Variants in CADM1 observed in about 807,000 individuals in gnomAD.
CADM1 encodes cell adhesion molecule 1.
In CADM1, 15 loss-of-function variants were observed where a neutral mutation model predicts 53.1. The ratio of observed to expected loss-of-function variants is 0.28; its 90% CI spans 0.19 to 0.44. CADM1 has a LOEUF of 0.44. Among genes scored for constraint, CADM1 ranks in the 20% least tolerant of loss-of-function variants. The pLI, the probability that CADM1 is intolerant of heterozygous loss-of-function variation, is 1.00. For synonymous variants in CADM1, 281 were observed against 243.0 expected (o/e 1.16, Z -1.45); for missense variants, 434 against 611.3 (o/e 0.71, Z 3.06).
intron 1 of CADM1, among the ~76,000 whole-genome samples, chr11:115,438,875 C>G (rs568081797): frequency 6.6e-6 from 1 of 152,274 alleles, no homozygotes; most frequent in African/African-American, 2.4e-5. Context: ...AACCGAGAAG[C>G]TATCTGATGG....
intron 1 of CADM1, among the ~76,000 whole-genome samples, chr11:115,452,444 A>G (rs1948595102): frequency 6.6e-6 from 1 of 152,240 alleles, no homozygotes; most frequent in Non-Finnish European, 1.5e-5. Flanking sequence ...TTTTAATGAA[A>G]TGAGACTTAA....
chr11:115,503,720 G>A (rs757356751), intron 1 of CADM1, among the ~76,000 whole-genome samples: 1 of 152,186 alleles, frequency 6.6e-6, no homozygotes, highest in African/African-American at 2.4e-5. Flanking sequence ...CGCGTTGGGG[G>A]AAGGGGCAGG....
intron 3 of CADM1, among the ~76,000 whole-genome samples, chr11:115,237,725 AG>A (rs1216003743): frequency 1.3e-5 from 2 of 152,180 alleles, no homozygotes; most frequent in African/African-American, 2.4e-5. Flanking sequence ...GTTATGCAGT[AG>A]AGTAAGCTTG....
At chr11:115,352,112 G>T (rs752316363) in intron 1 of CADM1, among the ~76,000 whole-genome samples, 2 of 152,120 alleles carry the variant, frequency 1.3e-5, no homozygotes, top group Non-Finnish European at 2.9e-5. Context: ...TCTAAAAAAA[G>T]AATCCAATAA....
At chr11:115,238,090 A>G (rs1942073443) in intron 3 of CADM1, among the ~76,000 whole-genome samples, 1 of 152,232 alleles carries the variant, frequency 6.6e-6, no homozygotes, top group South Asian at 2.1e-4. Flanking sequence ...GATGTAACTC[A>G]GAAGGAAAAA....
chr11:115,346,233 C>A (rs1236282251), intron 1 of CADM1, among the ~76,000 whole-genome samples: 1 of 152,196 alleles, frequency 6.6e-6, no homozygotes, highest in East Asian at 1.9e-4. Flanking sequence ...CCACCCACTG[C>A]ATGGCTTGGC....
At chr11:115,426,367 TCA>T (rs1222639414) in intron 1 of CADM1, among the ~76,000 whole-genome samples, 5 of 152,152 alleles carry the variant, frequency 3.3e-5, no homozygotes, top group Non-Finnish European at 7.3e-5. Context: ...ACTTTTGATT[TCA>T]GTCGCTTCCA....
intron 1 of CADM1, among the ~76,000 whole-genome samples, chr11:115,407,481 C>A (rs567221950): frequency 9.9e-5 from 15 of 152,136 alleles, no homozygotes; most frequent in African/African-American, 3.4e-4. Flanking sequence ...TTAAGTGCTG[C>A]CAAAATGCCT....
chr11:115,384,108 T>C (rs1198573055), intron 1 of CADM1, among the ~76,000 whole-genome samples: 4 of 152,162 alleles, frequency 2.6e-5, no homozygotes, highest in Non-Finnish European at 5.9e-5. Flanking sequence ...ATGGACAGAA[T>C]TGACTAAGCA....
chr11:115,246,647 C>T (rs1333629584), intron 1 of CADM1, among the ~76,000 whole-genome samples: 1 of 152,178 alleles, frequency 6.6e-6, no homozygotes, highest in Admixed American at 6.5e-5. Context: ...CAAGATATTT[C>T]TATTCTTGGC....
At chr11:115,231,578 G>A in intron 3 of CADM1, 88 bp from the exon 4 acceptor site, 1 of 1,240,572 alleles carries the variant, frequency 8.1e-7, no homozygotes, top group Non-Finnish European at 1.2e-6. Context: ...AGACATTCCT[G>A]ATGGGAATTT....
At chr11:115,280,445 T>C (rs565046184) in intron 1 of CADM1, among the ~76,000 whole-genome samples, 12 of 152,320 alleles carry the variant, frequency 7.9e-5, no homozygotes, top group Non-Finnish European at 1.0e-4. Context: ...TTATGTGGCA[T>C]AGTGATGAAA....
rs45624837 is a variant in CADM1, at chr11:115,465,408, A to G, written c.124+38863T>C. 6.3e-3 allele frequency among the ~76,000 whole-genome samples: 966 copies of G among 152,280 alleles called. 11 individuals carry two copies. Among genetic ancestry groups the G allele is most frequent in the Non-Finnish European group, 7.7e-3 (524 of 68,004 alleles). On this transcript the variant is annotated intron_variant, in intron 1 of 11. Transcript: ENST00000331581. ...GACATGAGAGGTGTTTAGTAAACTT[A>G]CAATCAGTAGAAATAAGATGTCTAG...
intron 1 of CADM1, among the ~76,000 whole-genome samples, chr11:115,264,680 T>A (rs1943078092): frequency 6.6e-6 from 1 of 152,198 alleles, no homozygotes; most frequent in Non-Finnish European, 1.5e-5. Flanking sequence ...CTTGAGTAAG[T>A]TATTTAACCT....
intron 9 of CADM1, among the ~76,000 whole-genome samples, chr11:115,195,781 C>G (rs1393868085): frequency 1.3e-5 from 2 of 152,156 alleles, no homozygotes; most frequent in African/African-American, 2.4e-5. Context: ...TCCCCGACAT[C>G]AAGCAAAATT....
chr11:115,255,753 G>A (rs749358565), intron 1 of CADM1, among the ~76,000 whole-genome samples: 41 of 152,142 alleles, frequency 2.7e-4, no homozygotes, highest in Non-Finnish European at 4.0e-4. Flanking sequence ...AAGGTTGCAG[G>A]AAGATAAATT....
chr11:115,285,084 C>T (rs569580151), intron 1 of CADM1, among the ~76,000 whole-genome samples: 24 of 152,176 alleles, frequency 1.6e-4, no homozygotes, highest in Non-Finnish European at 3.4e-4. Flanking sequence ...TTCTTAAATG[C>T]TCACCAATGA....
chr11:115,264,948 G>C (rs1433108539), intron 1 of CADM1, among the ~76,000 whole-genome samples: 1 of 152,146 alleles, frequency 6.6e-6, no homozygotes, highest in South Asian at 2.1e-4. Flanking sequence ...TGCCATGAAG[G>C]TAAGTGAACA....
At chr11:115,283,529 T>C (rs1344122612) in intron 1 of CADM1, among the ~76,000 whole-genome samples, 1 of 152,156 alleles carries the variant, frequency 6.6e-6, no homozygotes, top group Non-Finnish European at 1.5e-5. Context: ...CAGTGAGTGT[T>C]TACTGAGTAT....
Sources: gnomAD v4.1 joint callset for allele counts (sites outside exome capture counted in the v4.1 genomes callset) on GRCh38, gnomAD v4.1.1 for gene constraint, MANE v1.5 for transcripts, NCBI Gene and HGNC (gene_info 2026-07-23, HGNC 2026-07-21) for gene names.